Variants in SCP2 observed in about 807,000 individuals in gnomAD.
The protein encoded by SCP2 is SCP-2/3-oxoacyl-CoA thiolase.
SCP2 carries 48 observed loss-of-function variants against 71.4 expected under a neutral mutation model. The observed-to-expected ratio is 0.67, with a 90% CI of 0.53 to 0.86. SCP2 has a LOEUF of 0.86. SCP2 is among the 40% of genes least tolerant of loss of function. The pLI, the probability that SCP2 is intolerant of heterozygous loss-of-function variation, is 0.00. For synonymous variants in SCP2, 220 were observed against 218.1 expected, an observed-to-expected ratio of 1.01 and a Z score of -0.08; for missense variants, 560 against 655.6, an observed-to-expected ratio of 0.85 and a Z score of 1.59.
At chr1:52,973,345 C>CT (rs35488175) in intron 6 of SCP2, among the ~76,000 whole-genome samples, 65,132 of 146,450 alleles carry the variant, frequency 0.44, 14,618 homozygotes, top group East Asian at 0.76. Flanking sequence ...GAAGAACCCT[C>CT]TTTTTTTTTT....
At chr1:53,014,562 C>T (rs1425277096) in intron 11 of SCP2, among the ~76,000 whole-genome samples, 2 of 152,128 alleles carry the variant, frequency 1.3e-5, no homozygotes, top group East Asian at 3.9e-4. Flanking sequence ...TGTGAACTTC[C>T]AAATCCTTGT....
chr1:52,927,700 G>T (rs1334450278), intron 1 of SCP2, among the ~76,000 whole-genome samples: 1 of 152,122 alleles, frequency 6.6e-6, no homozygotes, highest in Non-Finnish European at 1.5e-5. Context: ...AAGCAGCCCC[G>T]AGATAATCCA....
intron 3 of SCP2, among the ~76,000 whole-genome samples, chr1:52,949,957 C>T (rs1400993659): frequency 6.6e-6 from 1 of 152,128 alleles, no homozygotes; most frequent in Non-Finnish European, 1.5e-5. Flanking sequence ...TTACTTTTTA[C>T]ACTTGGGAAA....
chr1:52,933,706 A>G (rs1473129662), intron 1 of SCP2, among the ~76,000 whole-genome samples: 1 of 152,238 alleles, frequency 6.6e-6, no homozygotes, highest in Non-Finnish European at 1.5e-5. Context: ...CATTTTTGAC[A>G]GCTGCCAATG....
At chr1:52,928,038 T>C (rs1204277972) in intron 1 of SCP2, among the ~76,000 whole-genome samples, 1 of 152,242 alleles carries the variant, frequency 6.6e-6, no homozygotes, top group Non-Finnish European at 1.5e-5. Flanking sequence ...CCGGACGCAG[T>C]TGTCTGATGC....
At position 53,038,976 on chromosome 1, in the gene SCP2, C is replaced by T. The variant is rs1167220174; in HGVS notation, c.1398C>T (p.Gly466=). The T allele has an allele frequency of 8.1e-6, 13 of 1,614,022 alleles. No individual in the cohort carries two copies. Among genetic ancestry groups the T allele is most frequent in the Non-Finnish European group, 1.0e-5 (12 of 1,179,968 alleles). Residue 466 remains glycine (G), a synonymous_variant, in exon 14 of 16, where the codon GGC becomes GGT. Coordinates refer to ENST00000371514, the MANE Select transcript of SCP2 (RefSeq NM_002979.5). The part of the protein sequence containing the change: ...GGIFAFKVKD[G]PGGKEATWVV... ...TTTTTGCCTTCAAGGTGAAAGATGG[C>T]CCTGGGGGTAAAGAGGCCACCTGGG...
chr1:52,950,153 T>G (rs13328689), intron 3 of SCP2, among the ~76,000 whole-genome samples: 6,435 of 152,098 alleles, frequency 0.042, 390 homozygotes, highest in African/African-American at 0.13. Flanking sequence ...ACCGAGTCTC[T>G]CTCTGTCGCC....
At chr1:52,974,600 T>A (rs1054525876) in intron 6 of SCP2, among the ~76,000 whole-genome samples, 169 bp from the exon 7 acceptor site, 2 of 152,238 alleles carry the variant, frequency 1.3e-5, no homozygotes, top group African/African-American at 4.8e-5. Context: ...CACATTTAAT[T>A]ATAAATAAAA....
intron 6 of SCP2, among the ~76,000 whole-genome samples, chr1:52,971,075 A>T (rs1361225742): frequency 7.0e-6 from 1 of 143,106 alleles, no homozygotes; most frequent in Admixed American, 7.5e-5. Flanking sequence ...TCCCGGGTTC[A>T]CGCCATTCTC....
chr1:53,045,835 G>A (rs59335351), intron 14 of SCP2, among the ~76,000 whole-genome samples: 5,631 of 152,204 alleles, frequency 0.037, 212 homozygotes, highest in East Asian at 0.2. Flanking sequence ...ACCCCAGAAA[G>A]TGTCCTCATG....
At chr1:53,030,393 C>T (rs1024889371) in intron 13 of SCP2, among the ~76,000 whole-genome samples, 5 of 152,106 alleles carry the variant, frequency 3.3e-5, no homozygotes, top group Admixed American at 1.3e-4. Context: ...TGGTTGGCTA[C>T]GTGCATTTTG....
At chr1:53,043,357 G>A (rs1007512904) in intron 14 of SCP2, among the ~76,000 whole-genome samples, 1 of 152,150 alleles carries the variant, frequency 6.6e-6, no homozygotes, top group Non-Finnish European at 1.5e-5. Context: ...ATTTTGCTTA[G>A]ACACATAGGT....
At chr1:52,938,073 G>A (rs1030413309) in intron 1 of SCP2, among the ~76,000 whole-genome samples, 1 of 152,168 alleles carries the variant, frequency 6.6e-6, no homozygotes, top group African/African-American at 2.4e-5. Context: ...TTATGTAAAT[G>A]TGTTATAATT....
chr1:53,006,027 C>CA (rs1660619147), intron 11 of SCP2, among the ~76,000 whole-genome samples: 1 of 152,016 alleles, frequency 6.6e-6, no homozygotes, highest in Non-Finnish European at 1.5e-5. Context: ...GAAAGGGTAT[C>CA]AGTGATTGAA....
intron 3 of SCP2, among the ~76,000 whole-genome samples, chr1:52,949,515 CAG>C (rs1655103086): frequency 6.6e-6 from 1 of 152,200 alleles, no homozygotes; most frequent in African/African-American, 2.4e-5. Context: ...GCAAAGGAGA[CAG>C]GGTCATTTAT....
At chr1:52,956,530 A>T (rs1392884727) in intron 5 of SCP2, among the ~76,000 whole-genome samples, 7 of 152,188 alleles carry the variant, frequency 4.6e-5, no homozygotes, top group Non-Finnish European at 8.8e-5. Context: ...ATGCCTTTAA[A>T]AAGTGGTAGA....
chr1:52,964,980 T>A (rs1364547283), intron 6 of SCP2, among the ~76,000 whole-genome samples: 1 of 152,042 alleles, frequency 6.6e-6, no homozygotes, highest in Admixed American at 6.6e-5. Flanking sequence ...CACTGCACTC[T>A]AGCCTGGGCA....
At chr1:52,963,728 T>G (rs1656687242) in intron 6 of SCP2, 1 of 152,214 alleles carries the variant, frequency 6.6e-6, no homozygotes, top group Non-Finnish European at 1.5e-5. Context: ...GAGGTAAGTG[T>G]ATGCCTATTT....
chr1:52,965,975 A>G (rs12407388), intron 6 of SCP2, among the ~76,000 whole-genome samples: 2 of 151,972 alleles, frequency 1.3e-5, no homozygotes, highest in Admixed American at 1.3e-4. Flanking sequence ...TAATCTTATG[A>G]CTTGCTATCT....
Sources: gnomAD v4.1 joint callset for allele counts (sites outside exome capture counted in the v4.1 genomes callset) on GRCh38, gnomAD v4.1.1 for gene constraint, MANE v1.5 for transcripts, NCBI Gene and HGNC (gene_info 2026-07-23, HGNC 2026-07-21) for gene names.